Variants in AKR1B15 observed in about 807,000 individuals in gnomAD.
The protein encoded by AKR1B15 is estradiol 17-beta-dehydrogenase AKR1B15.
AKR1B15 carries 49 observed loss-of-function variants against 38.5 expected under a neutral mutation model. The observed-to-expected ratio is 1.27, with a 90% confidence interval of 1.01 to 1.62. AKR1B15 has a LOEUF of 1.62. Among genes scored for constraint, AKR1B15 ranks in the 40% most tolerant of loss-of-function variants. The probability of loss-of-function intolerance (pLI) is 0.00; values close to 1 mark genes in which losing one functional copy is unlikely to be tolerated. For missense variants in AKR1B15, 411 were observed against 381.6 expected (o/e 1.08, Z -0.64); for synonymous variants, 137 against 135.5 (o/e 1.01, Z -0.08).
intron 3 of AKR1B15, 37 bp from the exon 4 acceptor site, chr7:134,568,121 A>T (rs772667310): frequency 6.2e-7 from 1 of 1,612,264 alleles, no homozygotes; most frequent in Non-Finnish European, 8.5e-7. Context: ...CTTAAAAAAA[A>T]AATACATGTG....
chr7:134,573,437 T>C lies in AKR1B15; in HGVS notation c.513+1756T>C, dbSNP rs1023086671. ...TTCTCACAGTGCTATGTTTTCTTAA[T>C]GAACATGAGGATGACTGCTAAAGAA... On this transcript the variant is annotated intron_variant, in intron 6 of 11. Transcript: ENST00000457545. 9 of 985,246 alleles carry C rather than the reference T, an allele frequency of 9.1e-6. No homozygotes were observed. The African/African-American group carries it at 1.6e-4, about 17-fold the overall frequency. The allele number at this position is 985,246 out of a possible 1,614,324, so 61.0% of individuals were successfully genotyped here. A position where few individuals can be genotyped will look rare whatever the true frequency, so the allele number is the denominator to read the frequency against.
At position 134,577,768 on chromosome 7, in the gene AKR1B15, G is replaced by C; in HGVS notation, c.974G>C (p.Arg325Thr). Reference sequence around the variant, plus strand: ...ATACTCAGCTTCAACAGAAACTGGAGGGCCTTTGACTTCAAGGAGTAAGTG... The same window carrying C: ...ATACTCAGCTTCAACAGAAACTGGACGGCCTTTGACTTCAAGGAGTAAGTG... The part of the protein sequence containing the change: ...ATILSFNRNW[R>T]AFDFKEFSHL... Residue 325 changes from arginine (R) to threonine (T), a missense_variant, in exon 11 of 12, where the codon AGG becomes ACG. Transcript: ENST00000457545. The C allele has an allele frequency of 6.2e-7, 1 of 1,613,928 alleles. No individual in the cohort carries two copies.
rs1343872921 is a variant in AKR1B15 at position 134,571,686 on chromosome 7, G to T, written c.513+5G>T. 4 of 1,612,108 alleles carry T rather than the reference G, an allele frequency of 2.5e-6. No individual in the cohort carries two copies. In the Admixed American group the frequency reaches 6.7e-5, roughly 27 times the overall value. On this transcript the variant is annotated splice_donor_5th_base_variant and intron_variant, in intron 6 of 11. Coordinates refer to ENST00000457545, the MANE Select transcript of AKR1B15 (RefSeq NM_001080538.3). ...ACGTTCTTGGATGCCTGGGAGGTAG[G>T]TTCCAGCTTTGTCTAAGTGTGCTGG...
chr7:134,565,201 C>A, intron 3 of AKR1B15: 1 of 420,538 alleles, frequency 2.4e-6, no homozygotes, highest in South Asian at 3.6e-5. Context: ...TCTTTGGGTC[C>A]ACACCACCTT....
At chr7:134,572,285 T>TGGGTGG (rs1794683961) in intron 6 of AKR1B15, among the ~76,000 whole-genome samples, 1 of 152,156 alleles carries the variant, frequency 6.6e-6, no homozygotes, top group Non-Finnish European at 1.5e-5. Flanking sequence ...AGACCCAGAC[T>TGGGTGG]CATCTGAATT....
At chr7:134,571,024 T>C (rs1235259104) in intron 5 of AKR1B15, among the ~76,000 whole-genome samples, 5 of 152,228 alleles carry the variant, frequency 3.3e-5, no homozygotes, top group Non-Finnish European at 7.3e-5. Flanking sequence ...CAGTGGCATC[T>C]TGGAGAAAAG....
chr7:134,574,567 G>A (rs1042676232), intron 6 of AKR1B15, among the ~76,000 whole-genome samples: 11 of 152,158 alleles, frequency 7.2e-5, no homozygotes, highest in African/African-American at 2.7e-4. Context: ...TAATTGGACT[G>A]TAAGAATCCC....
chr7:134,576,616 T>C (rs1463942623), intron 9 of AKR1B15, among the ~76,000 whole-genome samples, 186 bp downstream of exon 9: 3 of 152,038 alleles, frequency 2.0e-5, no homozygotes, highest in African/African-American at 7.3e-5. Context: ...GAAGCAAAGA[T>C]AGCTTCTGTC....
At chr7:134,569,743 AT>A (rs1794626566) in intron 5 of AKR1B15, 2 of 499,832 alleles carry the variant, frequency 4.0e-6, no homozygotes, top group East Asian at 7.1e-5. Flanking sequence ...TTTCATGAAC[AT>A]TTATCACTTC....
At position 134,576,385 on chromosome 7, in the gene AKR1B15, C is replaced by T; in HGVS notation, c.780C>T (p.Pro260=). 6.2e-7 allele frequency: 1 copy of T among 1,614,060 alleles called. No individual in the cohort carries two copies. The highest frequency in any genetic ancestry group is 1.3e-5 in the African/African-American group (1 of 75,022). ...AGGACCCTTCCCTGCTGGAGGATCC[C>T]AAGATTAAGGAGATTGCTGCAAAGC... ...KPEDPSLLED[P]KIKEIAAKHK... Residue 260 remains proline (P), a synonymous_variant, in exon 9 of 12, where the codon CCC becomes CCT. Transcript: ENST00000457545.
At chr7:134,568,013 T>A (rs761237249) in intron 3 of AKR1B15, 145 bp from the exon 4 acceptor site, 24 of 963,546 alleles carry the variant, frequency 2.5e-5, no homozygotes, top group Non-Finnish European at 3.3e-5. Flanking sequence ...ATATGGTGGT[T>A]GCTGAGTGTG....
intron 6 of AKR1B15, among the ~76,000 whole-genome samples, chr7:134,573,032 C>T (rs765644512): frequency 2.6e-5 from 4 of 152,128 alleles, no homozygotes; most frequent in Admixed American, 6.6e-5. Context: ...AATCCACAAG[C>T]ACAGCATTCT....
chr7:134,578,820 C>T (rs578118742), intron 11 of AKR1B15, among the ~76,000 whole-genome samples: 74 of 152,130 alleles, frequency 4.9e-4, no homozygotes, highest in Non-Finnish European at 4.9e-4. Flanking sequence ...TAGTTTCATC[C>T]GTGCTTAACA....
At chr7:134,561,161 C>G (rs1794377984) in intron 2 of AKR1B15, among the ~76,000 whole-genome samples, 1 of 152,116 alleles carries the variant, frequency 6.6e-6, no homozygotes, top group Non-Finnish European at 1.5e-5. Flanking sequence ...ATAAGGTGCC[C>G]CATGTGCAGA....
chr7:134,556,281 T>G (rs1414692222), intron 1 of AKR1B15, among the ~76,000 whole-genome samples: 1 of 152,190 alleles, frequency 6.6e-6, no homozygotes, highest in African/African-American at 2.4e-5. Flanking sequence ...GATGTCCATT[T>G]TGGACGGGAT....
intron 2 of AKR1B15, among the ~76,000 whole-genome samples, chr7:134,560,015 G>A (rs1794335164): frequency 6.6e-6 from 1 of 152,056 alleles, no homozygotes; most frequent in East Asian, 1.9e-4. Flanking sequence ...GGCTGAGGCA[G>A]GAGAATTGCT....
chr7:134,561,414 C>T (rs1321856330), intron 2 of AKR1B15, among the ~76,000 whole-genome samples: 2 of 152,158 alleles, frequency 1.3e-5, no homozygotes, highest in African/African-American at 4.8e-5. Context: ...ACCATGTTGG[C>T]CAGGCTAGTT....
rs59127003 is a variant in AKR1B15, at chr7:134,579,594, G to T, written c.*45G>T. ...ATTACACAGGGGATTCTCTTTCTTC[G>T]CTGAAGTGTGACTGTCTCCACTCAA... On this transcript the variant is annotated 3_prime_UTR_variant, in exon 12 of 12. Transcript: ENST00000457545. 2.0e-6 allele frequency: 3 copies of T among 1,507,482 alleles called. No homozygotes were observed. The South Asian group carries it at 3.8e-5, about 19-fold the overall frequency. 93.4% of individuals were successfully genotyped at this position (1,507,482 alleles called of 1,614,324 possible).
chr7:134,558,834 C>T (rs767101210), intron 2 of AKR1B15, among the ~76,000 whole-genome samples: 4 of 152,152 alleles, frequency 2.6e-5, no homozygotes, highest in Admixed American at 6.5e-5. Context: ...TAAAGGTCTC[C>T]TAGCACAGGC....
Sources: allele counts gnomAD v4.1 joint callset (sites outside exome capture counted in the v4.1 genomes callset), GRCh38; gene constraint gnomAD v4.1.1; transcripts MANE v1.5; gene names NCBI Gene and HGNC (gene_info 2026-07-23, HGNC 2026-07-21).